PTPRA: variants seen among roughly 807,000 people sequenced by gnomAD.
The protein encoded by PTPRA is receptor-type tyrosine-protein phosphatase alpha.
Under a neutral mutation model 104.8 loss-of-function variants are expected in PTPRA, and 25 were observed. The observed-to-expected ratio is 0.24, with a 90% CI of 0.17 to 0.33. The LOEUF (loss-of-function observed/expected upper bound fraction) is 0.33. PTPRA is among the 10% of genes least tolerant of loss of function. The pLI is 1.00. For missense variants in PTPRA, 765 were observed against 1,015.3 expected (o/e 0.75, Z 3.35); for synonymous variants, 323 against 368.9 (o/e 0.88, Z 1.43).
intron 3 of PTPRA, among the ~76,000 whole-genome samples, chr20:2,948,822 G>C (rs6084210): frequency 6.6e-6 from 1 of 151,394 alleles, no homozygotes; most frequent in Non-Finnish European, 1.5e-5. Context: ...CGTGGTGGCG[G>C]GCACCTGTAG....
At chr20:3,030,230 G>A (rs2065367038) in intron 20 of PTPRA, among the ~76,000 whole-genome samples, 1 of 152,210 alleles carries the variant, frequency 6.6e-6, no homozygotes, top group Non-Finnish European at 1.5e-5. Context: ...AAAGGGCAGG[G>A]GGCAGGAAGC....
intron 3 of PTPRA, among the ~76,000 whole-genome samples, chr20:2,957,200 G>C (rs2061567141): frequency 6.6e-6 from 1 of 152,196 alleles, no homozygotes; most frequent in Non-Finnish European, 1.5e-5. Context: ...CAGGAGAATG[G>C]CATGAACCTG....
chr20:3,023,090 G>A (rs2064961531), intron 16 of PTPRA, among the ~76,000 whole-genome samples: 1 of 152,248 alleles, frequency 6.6e-6, no homozygotes, highest in Non-Finnish European at 1.5e-5. Context: ...TGTGCTCGCA[G>A]AAACATGTGC....
intron 1 of PTPRA, among the ~76,000 whole-genome samples, chr20:2,922,094 A>G (rs2060119549): frequency 6.6e-6 from 1 of 152,148 alleles, no homozygotes; most frequent in Non-Finnish European, 1.5e-5. Flanking sequence ...TATGTTCCCT[A>G]GGGAAGGGCC....
intron 12 of PTPRA, 135 bp from the exon 13 acceptor site, chr20:3,017,681 T>G: frequency 1.5e-6 from 1 of 676,294 alleles, no homozygotes; most frequent in Non-Finnish European, 2.6e-6. Context: ...ACGGGGTGGA[T>G]GGATACATGG....
At chr20:2,900,806 A>G (rs1333922346) in intron 1 of PTPRA, among the ~76,000 whole-genome samples, 1 of 151,268 alleles carries the variant, frequency 6.6e-6, no homozygotes, top group African/African-American at 2.4e-5. Context: ...GCAGTGACCC[A>G]AGATCAAGCC....
chr20:2,943,816 C>T (rs929334702), intron 2 of PTPRA, among the ~76,000 whole-genome samples: 1 of 152,108 alleles, frequency 6.6e-6, no homozygotes, highest in African/African-American at 2.4e-5. Flanking sequence ...TCTTGATATC[C>T]TGCAACTTAA....
intron 1 of PTPRA, among the ~76,000 whole-genome samples, chr20:2,894,428 G>A (rs1314810376): frequency 6.6e-6 from 1 of 152,126 alleles, no homozygotes; most frequent in Non-Finnish European, 1.5e-5. Context: ...TGGGTCCTGT[G>A]CCACACTGGA....
At chr20:2,866,094 C>CG in the PTPRA span, 1 of 849,544 alleles carries the variant, frequency 1.2e-6, no homozygotes, top group Non-Finnish European at 1.9e-6. Flanking sequence ...TATGTACTGA[C>CG]GGGTGTATAC....
chr20:2,886,887 A>G (rs2090421510), intron 1 of PTPRA, among the ~76,000 whole-genome samples: 1 of 122,832 alleles, frequency 8.1e-6, no homozygotes, highest in Non-Finnish European at 1.8e-5. Context: ...AAAAAAAGAA[A>G]AAGAAATAAA....
intron 16 of PTPRA, 56 bp from the exon 17 acceptor site, chr20:3,024,416 T>G: frequency 6.5e-7 from 1 of 1,532,662 alleles, no homozygotes. Flanking sequence ...ACAGGTGATC[T>G]GGCATGAGAA....
intron 20 of PTPRA, among the ~76,000 whole-genome samples, chr20:3,028,604 C>T (rs1213351266): frequency 6.6e-6 from 1 of 152,174 alleles, no homozygotes; most frequent in Admixed American, 6.6e-5. Context: ...AATGCTTATT[C>T]TTTTAAAAAT....
chr20:2,918,567 G>GT (rs2059992844), intron 1 of PTPRA, among the ~76,000 whole-genome samples: 1 of 152,166 alleles, frequency 6.6e-6, no homozygotes, highest in Non-Finnish European at 1.5e-5. Context: ...TGTCTTTGGG[G>GT]TAGGAGGGTC....
chr20:2,999,055 TA>T (rs1322966093), intron 9 of PTPRA, among the ~76,000 whole-genome samples: 7 of 151,934 alleles, frequency 4.6e-5, no homozygotes, highest in African/African-American at 1.7e-4. Context: ...AGAAGCAGCA[TA>T]AAAATTTAAT....
intron 22 of PTPRA, among the ~76,000 whole-genome samples, chr20:3,036,243 A>G (rs1238216315): frequency 1.3e-5 from 2 of 152,206 alleles, no homozygotes; most frequent in Non-Finnish European, 2.9e-5. Context: ...AAGAGGAGTC[A>G]AGGGTGTCTC....
chr20:2,909,801 T>C (rs1204234369), intron 1 of PTPRA, among the ~76,000 whole-genome samples: 1 of 125,386 alleles, frequency 8.0e-6, no homozygotes, highest in African/African-American at 3.3e-5. Flanking sequence ...TATTAGATAA[T>C]ATATATAATA....
At position 3,037,308 on chromosome 20, in the gene PTPRA, T is replaced by C. The variant is rs368726314; in HGVS notation, c.2334+19T>C. On this transcript the variant is annotated intron_variant, in intron 23 of 23. Coordinates refer to ENST00000399903, the MANE Select transcript of PTPRA (RefSeq NM_001385305.1). The surrounding 1 kb of genome is among the most constrained non-coding windows in gnomAD (Gnocchi z 4.3). ...GACACTGGTATGCTGCCCACATATT[T>C]GTCCCTGCCACCACACCACCTGCAG... 5 of 1,612,934 alleles carry C rather than the reference T, an allele frequency of 3.1e-6. No individual in the cohort carries two copies. Among genetic ancestry groups the C allele is most frequent in the Non-Finnish European group, 3.4e-6 (4 of 1,179,412 alleles).
chr20:2,883,424 G>A (rs2090180499), intron 1 of PTPRA, among the ~76,000 whole-genome samples: 1 of 22,944 alleles, frequency 4.4e-5, no homozygotes, highest in African/African-American at 9.1e-4. Flanking sequence ...AGGCCGAGGC[G>A]GGCGGATCAC....
chr20:2,960,916 G>C (rs531013225), intron 3 of PTPRA, among the ~76,000 whole-genome samples: 4 of 151,358 alleles, frequency 2.6e-5, no homozygotes, highest in African/African-American at 9.7e-5. Context: ...CTGTCACTTA[G>C]TAATATATGT....
Sources: allele counts gnomAD v4.1 joint callset (sites outside exome capture counted in the v4.1 genomes callset), GRCh38; gene constraint gnomAD v4.1.1; non-coding constraint Gnocchi (gnomAD v3.1); transcripts MANE v1.5; gene names NCBI Gene and HGNC (gene_info 2026-07-23, HGNC 2026-07-21).